The following PPP1R9A variants were observed in gnomAD, a reference collection of about 807,000 sequenced individuals.
PPP1R9A encodes neurabin-1.
Under a neutral mutation model 141.9 loss-of-function variants are expected in PPP1R9A, and 59 were observed. The ratio of observed to expected loss-of-function variants is 0.42; its 90% CI spans 0.34 to 0.52. PPP1R9A has a LOEUF of 0.52. Among genes scored for constraint, PPP1R9A ranks in the 20% least tolerant of loss-of-function variants. PPP1R9A has a pLI of 0.10. For synonymous variants in PPP1R9A, 500 were observed against 569.7 expected (o/e 0.88, Z 1.74); for missense variants, 1,444 against 1,611.9 (o/e 0.90, Z 1.78).
At chr7:95,129,800 A>T (rs1036496054) in intron 4 of PPP1R9A, among the ~76,000 whole-genome samples, 4 of 152,126 alleles carry the variant, frequency 2.6e-5, no homozygotes, top group Admixed American at 2.0e-4. Flanking sequence ...TAGCAAAGAG[A>T]CTGTTGTCAT....
At chr7:95,144,576 A>G (rs1242895347) in intron 4 of PPP1R9A, among the ~76,000 whole-genome samples, 1 of 152,112 alleles carries the variant, frequency 6.6e-6, no homozygotes, top group South Asian at 2.1e-4. Flanking sequence ...GTTGTTTTCT[A>G]TTATGGAATG....
intron 2 of PPP1R9A, among the ~76,000 whole-genome samples, chr7:94,979,710 G>C (rs568244723): frequency 6.6e-6 from 1 of 152,256 alleles, no homozygotes; most frequent in African/African-American, 2.4e-5. Context: ...TGGTGGCTTA[G>C]GTGAAGGAGT....
At chr7:95,232,040 A>C (rs1167351773) in intron 8 of PPP1R9A, among the ~76,000 whole-genome samples, 1 of 152,178 alleles carries the variant, frequency 6.6e-6, no homozygotes, top group Non-Finnish European at 1.5e-5. Flanking sequence ...AAGCTCAGTT[A>C]CAAATGAAAC....
At chr7:95,105,752 G>T (rs1819424866) in intron 2 of PPP1R9A, among the ~76,000 whole-genome samples, 1 of 152,264 alleles carries the variant, frequency 6.6e-6, no homozygotes, top group South Asian at 2.1e-4. Context: ...AAAATGGAAA[G>T]AATCAAGATC....
chr7:95,166,771 C>G (rs1174754781), intron 5 of PPP1R9A, among the ~76,000 whole-genome samples: 2 of 152,176 alleles, frequency 1.3e-5, no homozygotes, highest in Non-Finnish European at 2.9e-5. Flanking sequence ...CAGCGAAATA[C>G]TAGCAAACCA....
At chr7:95,237,861 T>C (rs1796929071) in intron 8 of PPP1R9A, among the ~76,000 whole-genome samples, 1 of 152,142 alleles carries the variant, frequency 6.6e-6, no homozygotes, top group Non-Finnish European at 1.5e-5. Context: ...TATGTATGTA[T>C]TTTTTCCAAC....
chr7:95,135,472 G>A (rs1234295339), intron 4 of PPP1R9A, among the ~76,000 whole-genome samples: 1 of 151,926 alleles, frequency 6.6e-6, no homozygotes, highest in African/African-American at 2.4e-5. Context: ...GAATTGACAG[G>A]ATGCTTATTT....
At chr7:95,023,367 C>G (rs1259951649) in intron 2 of PPP1R9A, among the ~76,000 whole-genome samples, 1 of 151,366 alleles carries the variant, frequency 6.6e-6, no homozygotes, top group Non-Finnish European at 1.5e-5. Context: ...ATTCTTCTCT[C>G]TTTTCTTCTT....
At chr7:94,939,169 T>C (rs1795070060) in intron 2 of PPP1R9A, among the ~76,000 whole-genome samples, 1 of 152,180 alleles carries the variant, frequency 6.6e-6, no homozygotes, top group African/African-American at 2.4e-5. Flanking sequence ...TATGACTTTG[T>C]GTAAATGTCT....
chr7:94,918,560 G>T (rs1792374257), intron 2 of PPP1R9A, among the ~76,000 whole-genome samples: 1 of 152,008 alleles, frequency 6.6e-6, no homozygotes, highest in Admixed American at 6.6e-5. Context: ...TATATTCACA[G>T]TGTTGTGCAG....
At chr7:94,931,311 A>G (rs968329835) in intron 2 of PPP1R9A, among the ~76,000 whole-genome samples, 6 of 152,176 alleles carry the variant, frequency 3.9e-5, no homozygotes, top group African/African-American at 1.4e-4. Context: ...TATTGACCCA[A>G]TTGACCCAGT....
At chr7:95,135,577 A>G (rs1825501260) in intron 4 of PPP1R9A, among the ~76,000 whole-genome samples, 2 of 152,154 alleles carry the variant, frequency 1.3e-5, no homozygotes, top group South Asian at 4.1e-4. Context: ...CATTCTATCT[A>G]TTGATATTGT....
intron 2 of PPP1R9A, among the ~76,000 whole-genome samples, chr7:94,975,139 A>G (rs571048604): frequency 1.1e-4 from 16 of 152,252 alleles, no homozygotes; most frequent in African/African-American, 3.4e-4. Context: ...GAATCTTAGT[A>G]TATAACATAC....
intron 2 of PPP1R9A, among the ~76,000 whole-genome samples, chr7:94,968,373 C>T (rs1438359092): frequency 6.6e-6 from 1 of 151,964 alleles, no homozygotes; most frequent in Non-Finnish European, 1.5e-5. Flanking sequence ...GGGGTTTCAC[C>T]GTTTTAGCCG....
In PPP1R9A at chr7:94,998,053, A is replaced by G. The variant is rs564510891; in HGVS notation, c.1395+86545A>G. Among the ~76,000 whole-genome samples, 8 of 152,330 alleles carry G rather than the reference A, an allele frequency of 5.3e-5. 1 individual carries two copies. In the South Asian group the frequency reaches 8.3e-4, roughly 16 times the overall value. ...ACAATTTTACTTATTCCATCATGGC[A>G]GAAGTGGAACAGTTTCTGTTTTTAA... On this transcript the variant is annotated intron_variant, in intron 2 of 19. Coordinates refer to ENST00000433360, the MANE Select transcript of PPP1R9A (RefSeq NM_001166160.2).
intron 2 of PPP1R9A, among the ~76,000 whole-genome samples, chr7:95,068,521 G>GT (rs1813308885): frequency 7.4e-6 from 1 of 135,602 alleles, no homozygotes; most frequent in African/African-American, 2.7e-5. Context: ...AAAAGCAAAA[G>GT]TGACATTCAT....
chr7:95,075,109 T>C (rs1025854183), intron 2 of PPP1R9A, among the ~76,000 whole-genome samples: 1 of 152,232 alleles, frequency 6.6e-6, no homozygotes, highest in African/African-American at 2.4e-5. Context: ...ATTTGTGCCA[T>C]GAATAATTTT....
At chr7:94,994,277 C>T (rs1011838984) in intron 2 of PPP1R9A, among the ~76,000 whole-genome samples, 1 of 152,068 alleles carries the variant, frequency 6.6e-6, no homozygotes. Context: ...GGGTATAGGG[C>T]AGGACACCAG....
chr7:95,267,889 T>C (rs1271296416), intron 12 of PPP1R9A, among the ~76,000 whole-genome samples: 1 of 152,140 alleles, frequency 6.6e-6, no homozygotes, highest in East Asian at 1.9e-4. Context: ...ACTTACGATT[T>C]TTTAACTGTT....
Sources: gnomAD v4.1 joint callset for allele counts (sites outside exome capture counted in the v4.1 genomes callset) on GRCh38, gnomAD v4.1.1 for gene constraint, MANE v1.5 for transcripts, NCBI Gene and HGNC (gene_info 2026-07-23, HGNC 2026-07-21) for gene names.